The following SLC8A1 variants were observed in gnomAD, a reference collection of about 807,000 sequenced individuals.
The protein encoded by SLC8A1 is solute carrier family 8 member A1.
A neutral mutation model predicts 68.3 loss-of-function variants in SLC8A1; 18 were observed. That is an observed-to-expected ratio of 0.26 (90% CI 0.18 to 0.39). SLC8A1 has a LOEUF of 0.39. Ranked by LOEUF, SLC8A1 falls within the 10% of genes least tolerant of loss-of-function variation. The pLI is 1.00. For missense variants in SLC8A1, 985 were observed against 1,156.7 expected, an observed-to-expected ratio of 0.85 and a Z score of 2.15; for synonymous variants, 475 against 415.5, an observed-to-expected ratio of 1.14 and a Z score of -1.74.
chr2:40,439,825 T>G (rs1393022777), intron 1 of SLC8A1, among the ~76,000 whole-genome samples: 2 of 152,124 alleles, frequency 1.3e-5, no homozygotes, highest in African/African-American at 2.4e-5. Flanking sequence ...AAAAGAAACA[T>G]ATTTTAAAAA....
At chr2:40,299,833 CCTCT>C (rs1559144863) in intron 2 of SLC8A1, among the ~76,000 whole-genome samples, 1 of 152,138 alleles carries the variant, frequency 6.6e-6, no homozygotes, top group African/African-American at 2.4e-5. Flanking sequence ...AAGGAGCAGA[CCTCT>C]CTCCCTACTA....
At chr2:40,288,356 G>A (rs932872869) in intron 2 of SLC8A1, among the ~76,000 whole-genome samples, 2 of 152,084 alleles carry the variant, frequency 1.3e-5, no homozygotes, top group African/African-American at 4.8e-5. Flanking sequence ...GGCTTCAGAG[G>A]GAATACTTGC....
chr2:40,459,367 TA>T (rs1703209144), intron 1 of SLC8A1, among the ~76,000 whole-genome samples: 2 of 103,440 alleles, frequency 1.9e-5, no homozygotes, highest in Admixed American at 8.8e-5. Context: ...TAGGACAGTA[TA>T]TTTTTTTTTG....
chr2:40,428,406 T>G, intron 2 of SLC8A1, 67 bp downstream of exon 2: 1 of 1,433,184 alleles, frequency 7.0e-7, no homozygotes, highest in Middle Eastern at 1.8e-4. Context: ...CAGACTCACA[T>G]TCATAAACAC....
At chr2:40,175,584 G>C (rs2048336090) in intron 3 of SLC8A1, among the ~76,000 whole-genome samples, 1 of 151,942 alleles carries the variant, frequency 6.6e-6, no homozygotes, top group Non-Finnish European at 1.5e-5. Flanking sequence ...TAGTATATAT[G>C]TTTATACCTA....
At chr2:40,212,548 C>A (rs1345805172) in intron 2 of SLC8A1, among the ~76,000 whole-genome samples, 1 of 152,016 alleles carries the variant, frequency 6.6e-6, no homozygotes, top group Non-Finnish European at 1.5e-5. Context: ...CTCCCAAACT[C>A]CTGGGATTAC....
chr2:40,233,954 A>G (rs1414558288), intron 2 of SLC8A1, among the ~76,000 whole-genome samples: 1 of 151,974 alleles, frequency 6.6e-6, no homozygotes, highest in Admixed American at 6.6e-5. Flanking sequence ...CCATTGATCT[A>G]TATCTCTGTT....
chr2:40,429,105 G>A lies in SLC8A1; in HGVS notation c.1176C>T (p.Ser392=), dbSNP rs140135775. 4.3e-4 allele frequency: 698 copies of A among 1,613,046 alleles called. 1 individual carries two copies. The highest frequency in any genetic ancestry group is 5.5e-4 in the Non-Finnish European group (643 of 1,179,160). ...TCACTTCAGTGTTGACCTCGTGCATGCTGACAGCCTTCCTTGCTTGGTCAG... is the reference window on the plus strand; with the variant it reads ...TCACTTCAGTGTTGACCTCGTGCATACTGACAGCCTTCCTTGCTTGGTCAG... The change falls in exon 2 of 8, where the codon AGC becomes AGT. Residue 392 remains serine, a synonymous_variant. Coordinates refer to ENST00000406785, the Ensembl canonical transcript of SLC8A1.
At chr2:40,335,926 T>C (rs895667100) in intron 2 of SLC8A1, among the ~76,000 whole-genome samples, 8 of 152,232 alleles carry the variant, frequency 5.3e-5, no homozygotes, top group African/African-American at 1.9e-4. Context: ...CACTGCTAGT[T>C]GGTATATGAA....
intron 2 of SLC8A1, among the ~76,000 whole-genome samples, chr2:40,376,248 A>G (rs551776885): frequency 2.3e-4 from 35 of 152,244 alleles, no homozygotes; most frequent in Non-Finnish European, 3.7e-4. Context: ...TACAATTTAC[A>G]TTGTACCTCA....
chr2:40,151,777 G>C (rs1321224576), intron 6 of SLC8A1, among the ~76,000 whole-genome samples: 1 of 152,138 alleles, frequency 6.6e-6, no homozygotes, highest in African/African-American at 2.4e-5. Flanking sequence ...AGGGAAAAAA[G>C]CTTCTCTTTA....
exon 8 of SLC8A1, chr2:40,098,792 A>G (rs972254094): frequency 1.3e-5 from 2 of 151,994 alleles, no homozygotes; most frequent in African/African-American, 4.8e-5. Flanking sequence ...TAGAAATACA[A>G]AATATTCATT....
At chr2:40,463,827 CACACACACACAT>C (rs1250214216) in intron 1 of SLC8A1, among the ~76,000 whole-genome samples, 98 of 128,616 alleles carry the variant, frequency 7.6e-4, no homozygotes, top group African/African-American at 2.8e-3. Context: ...TATATACATA[CACACACACACAT>C]ACACACACAC....
chr2:40,242,536 A>T (rs1441837289), intron 2 of SLC8A1, among the ~76,000 whole-genome samples: 1 of 151,852 alleles, frequency 6.6e-6, no homozygotes, highest in African/African-American at 2.4e-5. Context: ...GCATCCAGCA[A>T]CTCGACTCTC....
intron 2 of SLC8A1, among the ~76,000 whole-genome samples, chr2:40,385,912 A>G (rs1683400971): frequency 6.6e-6 from 1 of 151,346 alleles, no homozygotes; most frequent in Non-Finnish European, 1.5e-5. Flanking sequence ...TTATTCCACC[A>G]CTACAAAGAT....
intron 1 of SLC8A1, among the ~76,000 whole-genome samples, chr2:40,440,211 GTGGTA>G (rs1700216138): frequency 6.6e-6 from 1 of 152,076 alleles, no homozygotes; most frequent in Admixed American, 6.6e-5. Flanking sequence ...ATTGGCTTAA[GTGGTA>G]TGGTTTTAAC....
At chr2:40,113,315 T>C (rs984314115) in exon 8 of SLC8A1, 3 of 152,796 alleles carry the variant, frequency 2.0e-5, no homozygotes, top group African/African-American at 7.2e-5. Context: ...GGATTCCTTA[T>C]AGACACAGAA....
intron 2 of SLC8A1, among the ~76,000 whole-genome samples, chr2:40,299,087 T>TG (rs11373721): frequency 0.28 from 42,759 of 151,904 alleles, 6,079 homozygotes; most frequent in East Asian, 0.38. Context: ...CACAGTTACT[T>TG]GGGGTATTTC....
At chr2:40,314,066 T>A (rs191639848) in intron 2 of SLC8A1, among the ~76,000 whole-genome samples, 56 of 152,218 alleles carry the variant, frequency 3.7e-4, no homozygotes, top group African/African-American at 1.3e-3. Flanking sequence ...ATAAAGAATC[T>A]AGGAAATCTT....
Sources: gnomAD v4.1 joint callset for allele counts (sites outside exome capture counted in the v4.1 genomes callset) on GRCh38, gnomAD v4.1.1 for gene constraint, MANE v1.5 for transcripts, NCBI Gene and HGNC (gene_info 2026-07-23, HGNC 2026-07-21) for gene names.